The following GSG1L variants were observed in gnomAD, a reference collection of about 807,000 sequenced individuals.
The protein encoded by GSG1L is germ cell-specific gene 1-like protein.
Under a neutral mutation model 42.1 loss-of-function variants are expected in GSG1L, and 24 were observed. That is an observed-to-expected ratio of 0.57 (90% confidence interval 0.41 to 0.80). GSG1L has a LOEUF of 0.80. Ranked by LOEUF, GSG1L falls within the 30% of genes least tolerant of loss-of-function variation. The probability of loss-of-function intolerance (pLI) is 0.00; values close to 1 mark genes in which losing one functional copy is unlikely to be tolerated. For synonymous variants in GSG1L, 215 were observed against 203.5 expected, an observed-to-expected ratio of 1.06 and a Z score of -0.48; for missense variants, 445 against 472.2, an observed-to-expected ratio of 0.94 and a Z score of 0.53.
intron 4 of GSG1L, among the ~76,000 whole-genome samples, chr16:27,830,079 C>T (rs757850879): frequency 6.6e-5 from 10 of 152,114 alleles, no homozygotes; most frequent in Non-Finnish European, 1.2e-4. Flanking sequence ...TGGGGTAGAG[C>T]GAGGAGACTC....
intron 1 of GSG1L, among the ~76,000 whole-genome samples, chr16:28,014,202 C>G (rs205374): frequency 0.12 from 17,913 of 152,242 alleles, 1,431 homozygotes; most frequent in East Asian, 0.26. Context: ...GGAAGACTTC[C>G]TGGAGGAAGA....
intron 5 of GSG1L, among the ~76,000 whole-genome samples, chr16:27,819,886 C>A (rs1179472095): frequency 6.6e-6 from 1 of 152,062 alleles, no homozygotes; most frequent in African/African-American, 2.4e-5. Context: ...GTGCAAAGAT[C>A]ATGAAGAAAG....
chr16:27,969,371 ATATTG>A (rs1002474762), intron 1 of GSG1L, among the ~76,000 whole-genome samples: 101 of 152,326 alleles, frequency 6.6e-4, no homozygotes, highest in African/African-American at 2.4e-3. Context: ...GAATCTTACA[ATATTG>A]TATGATTCAT....
intron 1 of GSG1L, among the ~76,000 whole-genome samples, chr16:27,988,889 C>G (rs186524718): frequency 6.6e-6 from 1 of 151,648 alleles, no homozygotes; most frequent in African/African-American, 2.4e-5. Flanking sequence ...CCCGTCTCTA[C>G]TAAAAATACA....
chr16:27,923,381 AC>A (rs764114614), intron 2 of GSG1L, among the ~76,000 whole-genome samples: 7 of 152,182 alleles, frequency 4.6e-5, no homozygotes, highest in Non-Finnish European at 1.0e-4. Flanking sequence ...TCCCTGGGGC[AC>A]CCACATGCTA....
chr16:27,823,534 C>G (rs1010889739), intron 5 of GSG1L, among the ~76,000 whole-genome samples: 5 of 152,056 alleles, frequency 3.3e-5, no homozygotes, highest in Non-Finnish European at 2.9e-5. Flanking sequence ...ACTACCTTGT[C>G]GCTGGTCTCC....
At chr16:27,853,641 G>A (rs1335743627) in intron 3 of GSG1L, among the ~76,000 whole-genome samples, 2 of 152,136 alleles carry the variant, frequency 1.3e-5, no homozygotes, top group East Asian at 1.9e-4. Flanking sequence ...AGTCATTAGC[G>A]TCACTCTGGT....
chr16:27,963,412 A>G (rs536449845), intron 1 of GSG1L, among the ~76,000 whole-genome samples: 3 of 151,754 alleles, frequency 2.0e-5, no homozygotes, highest in African/African-American at 7.3e-5. Context: ...GACCCCATCC[A>G]TCCTGGCCCA....
intron 1 of GSG1L, among the ~76,000 whole-genome samples, chr16:28,007,476 G>GTGGT (rs772976295): frequency 0.017 from 1,981 of 119,474 alleles, 26 homozygotes; most frequent in South Asian, 0.024. Context: ...GCATGTGTGT[G>GTGGT]TGGTTGGTTG....
At chr16:27,803,241 A>C (rs559578680) in intron 6 of GSG1L, among the ~76,000 whole-genome samples, 1 of 152,058 alleles carries the variant, frequency 6.6e-6, no homozygotes, top group East Asian at 1.9e-4. Context: ...CCAACTGTGC[A>C]AGGGGGCTTT....
intron 1 of GSG1L, among the ~76,000 whole-genome samples, chr16:28,055,306 A>G (rs2086267414): frequency 6.6e-6 from 1 of 151,500 alleles, no homozygotes; most frequent in African/African-American, 2.4e-5. Flanking sequence ...ACAGGCACAC[A>G]CCACCACACT....
chr16:27,923,715 C>T, intron 2 of GSG1L, among the ~76,000 whole-genome samples: 2 of 124,090 alleles, frequency 1.6e-5, no homozygotes, highest in South Asian at 5.1e-4. Flanking sequence ...GCCTGGGCAA[C>T]AGAGCAGGAC....
intron 4 of GSG1L, among the ~76,000 whole-genome samples, chr16:27,840,788 G>A (rs561402291): frequency 1.3e-5 from 2 of 152,146 alleles, no homozygotes; most frequent in African/African-American, 4.8e-5. Context: ...TCACTCTTGA[G>A]ATAGTCTCCC....
rs1040883331 is a variant in GSG1L at position 28,007,773 on chromosome 16, C to T, written c.350-44570G>A. 5.3e-5 allele frequency among the ~76,000 whole-genome samples: 8 copies of T among 152,148 alleles called. No individual in the cohort carries two copies. The South Asian group carries it at 6.2e-4, about 12-fold the overall frequency. ...TCAAGTGATCCACCCACTTCAGCCT[C>T]CCAAAGTGCTGGGATGACAGGCTTG... On this transcript the variant is annotated intron_variant, in intron 1 of 6. Transcript: ENST00000447459.
chr16:27,869,713 CCTT>C (rs749627077), intron 3 of GSG1L, among the ~76,000 whole-genome samples: 21 of 145,212 alleles, frequency 1.4e-4, no homozygotes, highest in Admixed American at 4.1e-4. Flanking sequence ...ATTTCTCTCT[CCTT>C]CTCTCTCTGT....
intron 2 of GSG1L, among the ~76,000 whole-genome samples, chr16:27,939,022 C>T (rs8056807): frequency 0.054 from 8,281 of 152,128 alleles, 769 homozygotes; most frequent in African/African-American, 0.19. Flanking sequence ...GGGGAACTAA[C>T]GGGGAACCCA....
intron 2 of GSG1L, among the ~76,000 whole-genome samples, chr16:27,927,848 G>A (rs2084612593): frequency 6.6e-6 from 1 of 152,188 alleles, no homozygotes. Flanking sequence ...CCACACCTCT[G>A]CCTAGATCTG....
At chr16:27,797,169 A>G (rs1445493066) in intron 6 of GSG1L, among the ~76,000 whole-genome samples, 1 of 152,120 alleles carries the variant, frequency 6.6e-6, no homozygotes, top group Non-Finnish European at 1.5e-5. Flanking sequence ...AGCCAGCTTC[A>G]CTCCAAAGGT....
At chr16:27,899,426 G>A (rs1232454952) in intron 2 of GSG1L, among the ~76,000 whole-genome samples, 1 of 152,154 alleles carries the variant, frequency 6.6e-6, no homozygotes, top group African/African-American at 2.4e-5. Flanking sequence ...CAGGTAAAGA[G>A]GCATCACTGG....
Sources: allele counts gnomAD v4.1 joint callset (sites outside exome capture counted in the v4.1 genomes callset), GRCh38; gene constraint gnomAD v4.1.1; transcripts MANE v1.5; gene names NCBI Gene and HGNC (gene_info 2026-07-23, HGNC 2026-07-21).